Variants in ZNF236 observed in about 807,000 individuals in gnomAD.
The protein encoded by ZNF236 is regulated by glucose.
In ZNF236, 50 loss-of-function variants were observed where a neutral mutation model predicts 191.2. The ratio of observed to expected loss-of-function variants is 0.26; its 90% CI spans 0.21 to 0.33. ZNF236 has a LOEUF of 0.33. Among genes scored for constraint, ZNF236 ranks in the 10% least tolerant of loss-of-function variants. The probability of loss-of-function intolerance (pLI) is 1.00; values close to 1 mark genes in which losing one functional copy is unlikely to be tolerated. For synonymous variants in ZNF236, 907 were observed against 928.8 expected (o/e 0.98, Z 0.43); for missense variants, 1,754 against 2,374.5 (o/e 0.74, Z 5.43).
At chr18:76,962,171 T>C (rs1445198221) in intron 30 of ZNF236, among the ~76,000 whole-genome samples, 1 of 152,234 alleles carries the variant, frequency 6.6e-6, no homozygotes, top group African/African-American at 2.4e-5. Flanking sequence ...CAATTTTATC[T>C]TCTAGAATTT....
intron 5 of ZNF236, among the ~76,000 whole-genome samples, chr18:76,874,494 G>A (rs897320957): frequency 1.3e-5 from 2 of 152,012 alleles, no homozygotes; most frequent in Non-Finnish European, 2.9e-5. Context: ...GAGCCGCAGC[G>A]CACAAGCACT....
rs149335687 is a variant in ZNF236 at position 76,887,242 on chromosome 18, C to T, written c.1417+5730C>T. ...CGAAAATTAGCTGGGCATGATGATGCGCACCTGTAGTCCCACCTACTCGGG... is the reference window on the plus strand; with the variant it reads ...CGAAAATTAGCTGGGCATGATGATGTGCACCTGTAGTCCCACCTACTCGGG... On this transcript the variant is annotated intron_variant, in intron 9 of 30. Transcript: ENST00000320610. 4.1e-4 allele frequency among the ~76,000 whole-genome samples: 62 copies of T among 152,060 alleles called. 2 individuals are homozygous for T. In the East Asian group the frequency reaches 5.8e-3, roughly 14 times the overall value.
rs1968293756 is a variant in ZNF236, at chr18:76,947,572, G to A, written c.4834G>A (p.Gly1612Arg). ...GGATCCCTCTCTCTCGGGCCAGGGT[G>A]GAGCAGGCTCGCCGCAAGTCATACT... The part of the protein sequence containing the change: ...LTDPSLSGQG[G>R]AGSPQVILVS... Residue 1612 changes from glycine (G) to arginine (R), a missense_variant, in exon 27 of 31, where the codon GGA becomes AGA. Gly to Arg is a moderately radical substitution (Grantham distance 125, BLOSUM62 -2). Coordinates refer to ENST00000320610, the MANE Select transcript of ZNF236 (RefSeq NM_001306089.2). 1 of 1,614,126 alleles carries A rather than the reference G, an allele frequency of 6.2e-7. No individual in the cohort carries two copies. The highest frequency in any genetic ancestry group is 8.5e-7 in the Non-Finnish European group (1 of 1,180,014).
intron 1 of ZNF236, among the ~76,000 whole-genome samples, chr18:76,836,551 A>C (rs573075795): frequency 6.6e-6 from 1 of 151,376 alleles, no homozygotes. Flanking sequence ...TTGATTCACA[A>C]AGGTTTTATT....
chr18:76,896,810 C>T (rs1977433119), intron 10 of ZNF236, among the ~76,000 whole-genome samples: 1 of 151,868 alleles, frequency 6.6e-6, no homozygotes, highest in Admixed American at 6.5e-5. Flanking sequence ...GTGCTGCACA[C>T]AGGTACTGGC....
Position 76,919,746 on chromosome 18 carries a change from T to C in ZNF236, c.3275-30T>C. 1.2e-6 allele frequency: 2 copies of C among 1,603,770 alleles called. No homozygotes were observed. Among genetic ancestry groups the C allele is most frequent in the Non-Finnish European group, 1.7e-6 (2 of 1,171,676 alleles). ...AAAACCTAGGTTTTCTTCATTACGA[T>C]TTTGATCCCTTTTCCTTGATTTTGT... On this transcript the variant is annotated intron_variant, in intron 19 of 30. Coordinates refer to ENST00000320610, the MANE Select transcript of ZNF236 (RefSeq NM_001306089.2). The surrounding 1 kb of genome is among the most constrained non-coding windows in gnomAD (Gnocchi z 5.3).
chr18:76,904,602 A>G, intron 12 of ZNF236, 81 bp downstream of exon 12: 1 of 1,301,510 alleles, frequency 7.7e-7, no homozygotes. Flanking sequence ...AGTATTTAGG[A>G]TGGTAGCATT....
Position 76,936,518 on chromosome 18 carries a change from C to CT in ZNF236, c.4595-634dup, listed in dbSNP as rs1369793658. 1.6e-4 allele frequency: 66 copies of CT among 422,886 alleles called. No homozygotes were observed. The Admixed American group carries it at 1.8e-3, about 11-fold the overall frequency. 26.2% of individuals were successfully genotyped at this position (422,886 alleles called of 1,614,324 possible). A position where few individuals can be genotyped will look rare whatever the true frequency, so the allele number is the denominator to read the frequency against. ...AGGGGAGATATTTCAGTTTTGTTGT[C>CT]TTTTCTGAAGAAAATTAAGATGTCA... On this transcript the variant is annotated intron_variant, in intron 25 of 30. Transcript: ENST00000320610.
intron 28 of ZNF236, among the ~76,000 whole-genome samples, chr18:76,956,571 C>T (rs1200057473): frequency 6.6e-6 from 1 of 152,188 alleles, no homozygotes; most frequent in African/African-American, 2.4e-5. Flanking sequence ...CATTGGGCAG[C>T]CCTAACAAAT....
intron 30 of ZNF236, among the ~76,000 whole-genome samples, chr18:76,964,888 C>T (rs924493033): frequency 6.6e-6 from 1 of 152,084 alleles, no homozygotes; most frequent in Admixed American, 6.5e-5. Flanking sequence ...AGTGAATTTC[C>T]CAGGTGTTCT....
At chr18:76,832,493 T>C (rs1975200467) in intron 1 of ZNF236, among the ~76,000 whole-genome samples, 1 of 152,120 alleles carries the variant, frequency 6.6e-6, no homozygotes, top group African/African-American at 2.4e-5. Context: ...GTAGTATTTG[T>C]TGGAAATACC....
chr18:76,905,015 A>G (rs1182962790), intron 12 of ZNF236, 140 bp from the exon 13 acceptor site: 3 of 914,542 alleles, frequency 3.3e-6, no homozygotes, highest in African/African-American at 1.7e-5. Flanking sequence ...CCCTTGTGAA[A>G]TGTGGAGAGC....
At chr18:76,829,864 T>A (rs1424187922) in intron 1 of ZNF236, among the ~76,000 whole-genome samples, 1 of 152,160 alleles carries the variant, frequency 6.6e-6, no homozygotes, top group Non-Finnish European at 1.5e-5. Context: ...TAGCTTTACC[T>A]GTTTTTGTTT....
At chr18:76,939,441 C>A (rs182806190) in intron 26 of ZNF236, among the ~76,000 whole-genome samples, 1 of 152,182 alleles carries the variant, frequency 6.6e-6, no homozygotes, top group South Asian at 2.1e-4. Context: ...CCAGCCAGGT[C>A]TCCTTTCCTA....
intron 1 of ZNF236, among the ~76,000 whole-genome samples, chr18:76,823,726 C>T (rs530454202): frequency 6.6e-6 from 1 of 152,384 alleles, no homozygotes; most frequent in Admixed American, 6.5e-5. Context: ...ATTGACTTGC[C>T]TTCCAAAGCC....
chr18:76,880,036 GTTT>G lies in ZNF236; in HGVS notation c.985-66_985-64del. 2 of 1,015,378 alleles carry G rather than the reference GTTT, an allele frequency of 2.0e-6. No individual in the cohort carries two copies. The highest frequency in any genetic ancestry group is 3.3e-5 in the African/African-American group (2 of 60,300). The allele number at this position is 1,015,378 out of a possible 1,614,324, so 62.9% of individuals were successfully genotyped here. The stretch of plus-strand genomic sequence containing the variant: ...AACACCCTTAAGGAGGGTATTGCCT[GTTT>G]TTTTTTTTTTAATTTTCCTTTTTAA... On this transcript the variant is annotated intron_variant, in intron 7 of 30. Coordinates refer to ENST00000320610, the MANE Select transcript of ZNF236 (RefSeq NM_001306089.2). This position sits in a 1 kb window ranked among gnomAD's most constrained non-coding sequence, Gnocchi z 5.0.
intron 20 of ZNF236, among the ~76,000 whole-genome samples, chr18:76,921,124 T>C (rs1599395631): frequency 6.6e-6 from 1 of 152,088 alleles, no homozygotes; most frequent in Non-Finnish European, 1.5e-5. Flanking sequence ...GGGTAGGTGG[T>C]TTCAAGGAGC....
chr18:76,918,703 C>A (rs973688979), intron 19 of ZNF236, among the ~76,000 whole-genome samples: 1 of 152,102 alleles, frequency 6.6e-6, no homozygotes, highest in Non-Finnish European at 1.5e-5. Flanking sequence ...TACAGGCGCG[C>A]GCCCCCATGC....
Position 76,919,025 on chromosome 18 carries a change from T to G in ZNF236, c.3275-751T>G, listed in dbSNP as rs977511178. 3.3e-5 allele frequency among the ~76,000 whole-genome samples: 5 copies of G among 152,210 alleles called. No individual in the cohort carries two copies. The highest frequency in any genetic ancestry group is 7.3e-5 in the Non-Finnish European group (5 of 68,032). On this transcript the variant is annotated intron_variant, in intron 19 of 30. Transcript: ENST00000320610. This position sits in a 1 kb window ranked among gnomAD's most constrained non-coding sequence, Gnocchi z 5.3. ...CTTCTTTATAGTAATTGTTTTTAGT[T>G]GGGGGCTGTTTGCTAATTTATTAAT...
Sources: gnomAD v4.1 joint callset for allele counts (sites outside exome capture counted in the v4.1 genomes callset) on GRCh38, gnomAD v4.1.1 for gene constraint, Gnocchi (gnomAD v3.1) non-coding constraint, MANE v1.5 for transcripts, NCBI Gene and HGNC (gene_info 2026-07-23, HGNC 2026-07-21) for gene names.